The following GMEB1 variants were observed in gnomAD, a reference collection of about 807,000 sequenced individuals.
The protein encoded by GMEB1 is glucocorticoid modulatory element-binding protein 1.
Under a neutral mutation model 52.4 loss-of-function variants are expected in GMEB1, and 6 were observed. That is an observed-to-expected ratio of 0.11 (90% CI 0.06 to 0.23). The LOEUF is 0.23. GMEB1 is among the 10% of genes least tolerant of loss of function. GMEB1 has a pLI of 1.00. For missense variants in GMEB1, 486 were observed against 685.6 expected (o/e 0.71, Z 3.25); for synonymous variants, 255 against 244.9 (o/e 1.04, Z -0.38).
At chr1:28,670,423 G>A (rs985811261) in intron 1 of GMEB1, among the ~76,000 whole-genome samples, 3 of 152,104 alleles carry the variant, frequency 2.0e-5, no homozygotes, top group Non-Finnish European at 4.4e-5. Flanking sequence ...CGCCTCTTGG[G>A]TTCAAGCGAT....
chr1:28,674,631 G>A (rs1270077362), intron 1 of GMEB1, among the ~76,000 whole-genome samples: 1 of 151,540 alleles, frequency 6.6e-6, no homozygotes, highest in Non-Finnish European at 1.5e-5. Context: ...CCGACCTCAG[G>A]TGATCTGACT....
intron 6 of GMEB1, among the ~76,000 whole-genome samples, chr1:28,697,625 C>G (rs1670288193): frequency 6.6e-6 from 1 of 152,180 alleles, no homozygotes; most frequent in African/African-American, 2.4e-5. Flanking sequence ...CCCAATGATT[C>G]CTATTGGTCA....
At chr1:28,679,844 C>T (rs551582681) in intron 1 of GMEB1, among the ~76,000 whole-genome samples, 95 of 151,050 alleles carry the variant, frequency 6.3e-4, no homozygotes, top group African/African-American at 2.2e-3. Context: ...TCTTGTTGTC[C>T]GGGCTGGAGT....
chr1:28,671,796 C>T (rs1002624918), intron 1 of GMEB1, among the ~76,000 whole-genome samples: 3 of 151,822 alleles, frequency 2.0e-5, no homozygotes, highest in African/African-American at 7.2e-5. Flanking sequence ...ACACAGTCTT[C>T]AAAAGTTATA....
intron 1 of GMEB1, among the ~76,000 whole-genome samples, chr1:28,679,870 C>G (rs958910897): frequency 1.3e-5 from 2 of 151,084 alleles, no homozygotes; most frequent in African/African-American, 2.4e-5. Flanking sequence ...GGCACGATCT[C>G]GGTTCACCCA....
Position 28,715,323 on chromosome 1 carries a change from G to A in GMEB1, c.*550G>A, listed in dbSNP as rs1056871648. On this transcript the variant is annotated 3_prime_UTR_variant, in exon 10 of 10. Coordinates refer to ENST00000373816, the MANE Select transcript of GMEB1 (RefSeq NM_001319674.2). ...GCTTAAAAAGGGAAGTGCTAGCCGGGCGTGGTGGCTCACGCCTGCAATCCC... is the reference window on the plus strand; with the variant it reads ...GCTTAAAAAGGGAAGTGCTAGCCGGACGTGGTGGCTCACGCCTGCAATCCC... 4 of 153,330 alleles carry A rather than the reference G, an allele frequency of 2.6e-5. No individual in the cohort carries two copies. Among genetic ancestry groups the A allele is most frequent in the African/African-American group, 9.6e-5 (4 of 41,470 alleles). 9.5% of individuals were successfully genotyped at this position (153,330 alleles called of 1,614,324 possible).
intron 4 of GMEB1, 66 bp from the exon 5 acceptor site, chr1:28,692,876 A>G (rs1425852854): frequency 1.3e-6 from 1 of 779,404 alleles, no homozygotes; most frequent in South Asian, 1.7e-5. Flanking sequence ...TTATCATTTC[A>G]TTATTTCCCC....
chr1:28,702,397 C>A (rs374927130), intron 6 of GMEB1, 41 bp from the exon 7 acceptor site: 114 of 1,574,212 alleles, frequency 7.2e-5, no homozygotes, highest in Non-Finnish European at 9.7e-5. Flanking sequence ...ATAACTTTTT[C>A]GTTAAATTCA....
chr1:28,691,016 C>T (rs574944953), intron 3 of GMEB1, among the ~76,000 whole-genome samples: 3 of 151,676 alleles, frequency 2.0e-5, no homozygotes, highest in African/African-American at 7.3e-5. Context: ...CTACACCAGG[C>T]GAGGTGACTC....
intron 1 of GMEB1, among the ~76,000 whole-genome samples, chr1:28,670,477 G>A (rs376465373): frequency 1.9e-4 from 29 of 152,116 alleles, no homozygotes; most frequent in African/African-American, 6.3e-4. Flanking sequence ...ACAGGCGCCC[G>A]CCACCACACC....
chr1:28,701,430 C>T (rs893401382), intron 6 of GMEB1, among the ~76,000 whole-genome samples: 4 of 151,874 alleles, frequency 2.6e-5, no homozygotes, highest in Non-Finnish European at 2.9e-5. Context: ...CCAGCACACC[C>T]GGCTAATTTT....
Position 28,690,114 on chromosome 1 carries a change from G to A in GMEB1, c.139G>A (p.Ala47Thr), listed in dbSNP as rs1047972075. 1.2e-6 allele frequency: 2 copies of A among 1,603,010 alleles called. No homozygotes were observed. The highest frequency in any genetic ancestry group is 1.7e-6 in the Non-Finnish European group (2 of 1,174,244). ...ACACTTTTACAACAGGATTTATGAAGCTGGGTCGGAGAACAACACGGCAGT... is the reference window on the plus strand; with the variant it reads ...ACACTTTTACAACAGGATTTATGAAACTGGGTCGGAGAACAACACGGCAGT... Reference protein sequence around the residue: ...LQPVQQGIYEAGSENNTAVVA... With the variant: ...LQPVQQGIYETGSENNTAVVA... Residue 47 changes from alanine to threonine, a missense_variant, in exon 3 of 10, where the codon GCT (alanine) becomes ACT (threonine). Ala to Thr is a moderately conservative substitution (Grantham distance 58, BLOSUM62 0). Coordinates refer to ENST00000373816, the MANE Select transcript of GMEB1 (RefSeq NM_001319674.2).
intron 1 of GMEB1, among the ~76,000 whole-genome samples, chr1:28,678,688 G>GCACTCT (rs1669262928): frequency 6.6e-6 from 1 of 152,078 alleles, no homozygotes; most frequent in Non-Finnish European, 1.5e-5. Context: ...GCACGATCTT[G>GCACTCT]GCTCACTGCA....
chr1:28,694,961 CTT>C (rs556692778), intron 5 of GMEB1, among the ~76,000 whole-genome samples: 6 of 105,490 alleles, frequency 5.7e-5, no homozygotes, highest in East Asian at 2.6e-4. Context: ...CGTGGCCAGC[CTT>C]TTTTTTTTTT....
At chr1:28,671,255 AG>A (rs1668871987) in intron 1 of GMEB1, among the ~76,000 whole-genome samples, 1 of 152,124 alleles carries the variant, frequency 6.6e-6, no homozygotes, top group South Asian at 2.1e-4. Flanking sequence ...TGTAGTTTAG[AG>A]TGGAAATTTC....
chr1:28,670,786 C>A (rs1036387662), intron 1 of GMEB1, among the ~76,000 whole-genome samples: 8 of 152,082 alleles, frequency 5.3e-5, no homozygotes, highest in Non-Finnish European at 4.4e-5. Flanking sequence ...GAAACTTATT[C>A]AATGGTTGCA....
At chr1:28,672,469 C>T (rs1182638183) in intron 1 of GMEB1, among the ~76,000 whole-genome samples, 1 of 151,476 alleles carries the variant, frequency 6.6e-6, no homozygotes, top group Admixed American at 6.6e-5. Context: ...GTGATCCGCC[C>T]GCCTCAGCCT....
chr1:28,702,547 G>T lies in GMEB1; in HGVS notation c.708G>T (p.Lys236Asn). The T allele has an allele frequency of 6.2e-7, 1 of 1,613,732 alleles. No homozygotes were observed. The highest frequency in any genetic ancestry group is 8.5e-7 in the Non-Finnish European group (1 of 1,179,812). Reference protein sequence around the residue: ...AVTMATEEGVKKDSEEISEDT... With the variant: ...AVTMATEEGVNKDSEEISEDT... ...CCATGGCCACGGAGGAGGGTGTAAA[G>T]AAAGACTCAGAGGAAATTTCAGGTA... Residue 236 changes from lysine to asparagine, a missense_variant, in exon 7 of 10, where the codon AAG (lysine) becomes AAT (asparagine). Transcript: ENST00000373816.
intron 6 of GMEB1, among the ~76,000 whole-genome samples, chr1:28,701,629 C>T (rs1670522989): frequency 6.6e-6 from 1 of 151,848 alleles, no homozygotes; most frequent in Non-Finnish European, 1.5e-5. Context: ...AGTACAGTGG[C>T]ACAACCATGG....
Sources: gnomAD v4.1 joint callset for allele counts (sites outside exome capture counted in the v4.1 genomes callset) on GRCh38, gnomAD v4.1.1 for gene constraint, MANE v1.5 for transcripts, NCBI Gene and HGNC (gene_info 2026-07-23, HGNC 2026-07-21) for gene names.